The following SPATS2L variants were observed in gnomAD, a reference collection of about 807,000 sequenced individuals.
SPATS2L encodes the protein spermatogenesis associated serine rich 2 like.
SPATS2L carries 30 observed loss-of-function variants against 59.6 expected under a neutral mutation model. The observed-to-expected ratio is 0.50, with a 90% CI of 0.38 to 0.68. The LOEUF (loss-of-function observed/expected upper bound fraction) is 0.68. SPATS2L is among the 30% of genes least tolerant of loss of function. The probability of loss-of-function intolerance (pLI) is 0.00; values close to 1 mark genes in which losing one functional copy is unlikely to be tolerated. For synonymous variants in SPATS2L, 252 were observed against 263.5 expected (o/e 0.96, Z 0.42); for missense variants, 615 against 700.0 (o/e 0.88, Z 1.37).
At chr2:200,448,234 G>T (rs1311015903) in intron 8 of SPATS2L, among the ~76,000 whole-genome samples, 1 of 152,144 alleles carries the variant, frequency 6.6e-6, no homozygotes, top group Non-Finnish European at 1.5e-5. Flanking sequence ...TTGAGGTCAG[G>T]AGTTAGAGAC....
At chr2:200,440,128 A>G (rs188646698) in intron 7 of SPATS2L, among the ~76,000 whole-genome samples, 124 of 152,346 alleles carry the variant, frequency 8.1e-4, no homozygotes, top group Middle Eastern at 3.4e-3. Context: ...ATGGGCACCC[A>G]TAGAGCTGCT....
At chr2:200,349,731 C>T (rs1459031103) in intron 2 of SPATS2L, among the ~76,000 whole-genome samples, 1 of 152,176 alleles carries the variant, frequency 6.6e-6, no homozygotes, top group African/African-American at 2.4e-5. Context: ...CCTGTTTATC[C>T]TCTAACCTTC....
chr2:200,386,412 T>A (rs2081995829), intron 2 of SPATS2L, among the ~76,000 whole-genome samples: 1 of 152,184 alleles, frequency 6.6e-6, no homozygotes, highest in Non-Finnish European at 1.5e-5. Flanking sequence ...CTTCCTTGAG[T>A]TAGACTTGAG....
At chr2:200,440,918 C>A in intron 8 of SPATS2L, 134 bp downstream of exon 8, 1 of 888,594 alleles carries the variant, frequency 1.1e-6, no homozygotes, top group Non-Finnish European at 1.7e-6. Context: ...TTTTGTTAAG[C>A]CCTGCAGGCA....
At chr2:200,411,308 A>G (rs1206600062) in intron 3 of SPATS2L, among the ~76,000 whole-genome samples, 2 of 152,220 alleles carry the variant, frequency 1.3e-5, no homozygotes, top group East Asian at 1.9e-4. Context: ...GTTCTGGTCA[A>G]TAGCATCACA....
intron 9 of SPATS2L, among the ~76,000 whole-genome samples, chr2:200,461,676 T>C (rs1204494233): frequency 6.6e-6 from 1 of 152,250 alleles, no homozygotes; most frequent in Non-Finnish European, 1.5e-5. Context: ...TCTGTGCCCC[T>C]AACCAGATTT....
At chr2:200,328,828 C>A (rs1260406429) in intron 1 of SPATS2L, among the ~76,000 whole-genome samples, 1 of 152,176 alleles carries the variant, frequency 6.6e-6, no homozygotes, top group Non-Finnish European at 1.5e-5. Flanking sequence ...ATGGTGAGTT[C>A]TTTGGGATTG....
At chr2:200,464,040 A>C (rs571884520) in intron 9 of SPATS2L, among the ~76,000 whole-genome samples, 1 of 152,362 alleles carries the variant, frequency 6.6e-6, no homozygotes, top group South Asian at 2.1e-4. Flanking sequence ...TTATACATAC[A>C]TAATATTAAT....
rs191412682 is a variant in SPATS2L, at chr2:200,319,157, T to C, written c.-72-10274T>C. ...AATATTTGACCATAGCTATTGTATC[T>C]CCTCCTCGAAGTCTTCTCCTTTCAG... On this transcript the variant is annotated intron_variant, in intron 1 of 12. Transcript: ENST00000409140. Among the ~76,000 whole-genome samples, 4 of 152,348 alleles carry C rather than the reference T, an allele frequency of 2.6e-5. 1 individual carries two copies. The highest frequency in any genetic ancestry group is 2.6e-4 in the Admixed American group (4 of 15,302).
chr2:200,425,217 G>A (rs768327192), intron 6 of SPATS2L, among the ~76,000 whole-genome samples: 14 of 145,146 alleles, frequency 9.6e-5, no homozygotes, highest in Non-Finnish European at 1.3e-4. Flanking sequence ...TGTGGTAGGC[G>A]GTTCCCCACA....
At chr2:200,309,955 T>C (rs1043522517) in intron 1 of SPATS2L, among the ~76,000 whole-genome samples, 6 of 152,194 alleles carry the variant, frequency 3.9e-5, no homozygotes, top group African/African-American at 1.4e-4. Context: ...CTGAGAAAAA[T>C]AGTCTTATGA....
chr2:200,444,590 T>C (rs2084910002), intron 8 of SPATS2L, among the ~76,000 whole-genome samples: 1 of 152,166 alleles, frequency 6.6e-6, no homozygotes, highest in African/African-American at 2.4e-5. Context: ...AAGGGAAATC[T>C]GTGAAAGCAT....
At chr2:200,418,510 GC>G (rs1325519681) in intron 5 of SPATS2L, among the ~76,000 whole-genome samples, 343 of 152,158 alleles carry the variant, frequency 2.3e-3, no homozygotes, top group African/African-American at 7.8e-3. Context: ...GGGGGTTGAA[GC>G]TGCAGTGAGC....
At chr2:200,436,548 G>C (rs1363381444) in intron 6 of SPATS2L, among the ~76,000 whole-genome samples, 1 of 152,132 alleles carries the variant, frequency 6.6e-6, no homozygotes, top group African/African-American at 2.4e-5. Flanking sequence ...ATGTTGAAAC[G>C]AACCAGTAGA....
intron 3 of SPATS2L, among the ~76,000 whole-genome samples, chr2:200,398,916 A>G (rs2082434789): frequency 6.6e-6 from 1 of 152,164 alleles, no homozygotes; most frequent in Non-Finnish European, 1.5e-5. Context: ...TTAAAGGTCC[A>G]TGTGTGGTTC....
At chr2:200,473,159 AG>A (rs2087204294) in intron 12 of SPATS2L, 107 bp downstream of exon 12, 1 of 1,116,212 alleles carries the variant, frequency 9.0e-7, no homozygotes, top group Non-Finnish European at 1.2e-6. Flanking sequence ...GGTCACACTC[AG>A]GCTCCCGCCA....
At chr2:200,309,488 T>G (rs1292398723) in intron 1 of SPATS2L, among the ~76,000 whole-genome samples, 1 of 152,236 alleles carries the variant, frequency 6.6e-6, no homozygotes, top group Non-Finnish European at 1.5e-5. Context: ...ACTTTTACTG[T>G]CATTTGACTG....
chr2:200,469,995 C>T lies in SPATS2L; in HGVS notation c.1039C>T (p.Gln347Ter). The T allele has an allele frequency of 6.2e-7, 1 of 1,610,984 alleles. No homozygotes were observed. The highest frequency in any genetic ancestry group is 8.5e-7 in the Non-Finnish European group (1 of 1,178,566). The change falls in exon 11 of 13, where the codon CAA becomes TAA. Residue 347 changes from glutamine (Q) to a stop codon, truncating the protein, a stop_gained. Transcript: ENST00000409140. LOFTEE classifies it high-confidence loss of function. Reference protein sequence around the residue: ...FSCDIEQLKAQIMLCGEITHP... With the variant: ...FSCDIEQLKA ...CTGTGACATCGAACAGCTGAAGGCC[C>T]AAATCATGCTCTGCGGAGAAAGTGA...
At chr2:200,341,051 G>C (rs1274916418) in intron 2 of SPATS2L, among the ~76,000 whole-genome samples, 1 of 152,164 alleles carries the variant, frequency 6.6e-6, no homozygotes, top group Non-Finnish European at 1.5e-5. Context: ...TTTCTTAAGT[G>C]CTTACTCTGT....
Sources: allele counts gnomAD v4.1 joint callset (sites outside exome capture counted in the v4.1 genomes callset), GRCh38; gene constraint gnomAD v4.1.1; transcripts MANE v1.5; gene names NCBI Gene and HGNC (gene_info 2026-07-23, HGNC 2026-07-21).